The following LNX2 variants were observed in gnomAD, a reference collection of about 807,000 sequenced individuals.
LNX2 encodes the protein ligand of Numb protein X 2.
In LNX2, 35 loss-of-function variants were observed where a neutral mutation model predicts 66.2. The observed-to-expected ratio is 0.53, with a 90% CI of 0.40 to 0.70. The LOEUF (loss-of-function observed/expected upper bound fraction) is 0.70, where lower values mean the gene tolerates loss of function less well. Ranked by LOEUF, LNX2 falls within the 30% of genes least tolerant of loss-of-function variation. The probability of loss-of-function intolerance (pLI) is 0.00; values close to 1 mark genes in which losing one functional copy is unlikely to be tolerated. For synonymous variants in LNX2, 337 were observed against 315.6 expected, an observed-to-expected ratio of 1.07 and a Z score of -0.72; for missense variants, 791 against 850.8, an observed-to-expected ratio of 0.93 and a Z score of 0.87.
chr13:27,567,410 T>C (rs1319515176), intron 4 of LNX2, among the ~76,000 whole-genome samples: 1 of 152,128 alleles, frequency 6.6e-6, no homozygotes, highest in Non-Finnish European at 1.5e-5. Flanking sequence ...CCTGAGATCA[T>C]GTGCCAAGCC....
chr13:27,578,790 A>G (rs1220943097), intron 2 of LNX2, among the ~76,000 whole-genome samples: 1 of 152,174 alleles, frequency 6.6e-6, no homozygotes, highest in East Asian at 1.9e-4. Flanking sequence ...TCCAGTTACA[A>G]CTGTTGCAGT....
intron 4 of LNX2, among the ~76,000 whole-genome samples, chr13:27,565,828 C>A (rs1341989608): frequency 6.6e-6 from 1 of 152,128 alleles, no homozygotes; most frequent in African/African-American, 2.4e-5. Context: ...AGCATACAAG[C>A]GGGAGTGGAA....
intron 1 of LNX2, among the ~76,000 whole-genome samples, chr13:27,608,369 C>G (rs1416240110): frequency 6.6e-6 from 1 of 152,044 alleles, no homozygotes; most frequent in Non-Finnish European, 1.5e-5. Context: ...ACTTTTCTAT[C>G]CCAAATATCT....
At chr13:27,618,333 C>A (rs912158502) in intron 1 of LNX2, among the ~76,000 whole-genome samples, 1 of 152,122 alleles carries the variant, frequency 6.6e-6, no homozygotes, top group African/African-American at 2.4e-5. Context: ...AAGTTCTATC[C>A]CCCAAACTCT....
At chr13:27,559,381 A>G (rs1048310190) in intron 6 of LNX2, among the ~76,000 whole-genome samples, 4 of 152,278 alleles carry the variant, frequency 2.6e-5, no homozygotes, top group African/African-American at 9.6e-5. Flanking sequence ...ATCAAAATTC[A>G]TGATTCATAT....
At position 27,569,126 on chromosome 13, in the gene LNX2, C is replaced by G. The variant is rs201003964; in HGVS notation, c.558G>C (p.Val186=). 1 of 1,613,062 alleles carries G rather than the reference C, an allele frequency of 6.2e-7. No homozygotes were observed. The highest frequency in any genetic ancestry group is 8.5e-7 in the Non-Finnish European group (1 of 1,179,620). ...CTGATGTCAAGTGCCGCTCCACAGG[C>G]ACTGCGCCTGTCCCCAAACAGTCTG... ...PEADCLGTGA[V]PVERHLTSAS... is the part of the protein sequence containing the mutation. Residue 186 remains valine, a synonymous_variant, in exon 3 of 10, where the codon GTG becomes GTC. Coordinates refer to ENST00000316334, the MANE Select transcript of LNX2 (RefSeq NM_153371.4).
At position 27,581,809 on chromosome 13, in the gene LNX2, T is replaced by A; in HGVS notation, c.-100-6A>T. 1.2e-6 allele frequency: 1 copy of A among 854,764 alleles called. No homozygotes were observed. Among genetic ancestry groups the A allele is most frequent in the Non-Finnish European group, 1.8e-6 (1 of 563,336 alleles). 52.9% of individuals were successfully genotyped at this position (854,764 alleles called of 1,614,324 possible). A position where few individuals can be genotyped will look rare whatever the true frequency, so the allele number is the denominator to read the frequency against. ...TAAAGTCAAGGTGTGTTTTTCTAGATAAGCAAAACAAACACATTAAAAAAG... is the reference window on the plus strand; with the variant it reads ...TAAAGTCAAGGTGTGTTTTTCTAGAAAAGCAAAACAAACACATTAAAAAAG... On this transcript the variant is annotated splice_polypyrimidine_tract_variant and splice_region_variant and intron_variant, in intron 1 of 9. Coordinates refer to ENST00000316334, the MANE Select transcript of LNX2 (RefSeq NM_153371.4).
chr13:27,550,348 T>C lies in LNX2; in HGVS notation c.1922A>G (p.Tyr641Cys). ...KTIVLGTPAYYDGRLKCGDMI... is the reference protein window; with the variant it reads ...KTIVLGTPAYCDGRLKCGDMI... ...CAAGACTCACTTTAATCTTCCATCA[T>C]AATAAGCAGGAGTTCCCAAGACAAT... The change falls in exon 9 of 10, where the codon TAT becomes TGT. Residue 641 changes from tyrosine to cysteine, a missense_variant. Physicochemically the swap from Tyr to Cys is radical, Grantham distance 194. Coordinates refer to ENST00000316334, the MANE Select transcript of LNX2 (RefSeq NM_153371.4). 1 of 1,613,010 alleles carries C rather than the reference T, an allele frequency of 6.2e-7. No individual in the cohort carries two copies. The highest frequency in any genetic ancestry group is 8.5e-7 in the Non-Finnish European group (1 of 1,179,570).
intron 1 of LNX2, among the ~76,000 whole-genome samples, chr13:27,611,955 A>G (rs1955778289): frequency 6.6e-6 from 1 of 152,236 alleles, no homozygotes; most frequent in Non-Finnish European, 1.5e-5. Context: ...GCAGGGAGAA[A>G]GAGATTAAAC....
intron 1 of LNX2, among the ~76,000 whole-genome samples, chr13:27,591,130 G>C (rs1955542632): frequency 6.6e-6 from 1 of 152,190 alleles, no homozygotes; most frequent in Non-Finnish European, 1.5e-5. Context: ...CAGGGGCAGG[G>C]ACCAGAGCCT....
At chr13:27,614,206 G>C (rs988510706) in intron 1 of LNX2, among the ~76,000 whole-genome samples, 7 of 152,226 alleles carry the variant, frequency 4.6e-5, no homozygotes, top group African/African-American at 1.7e-4. Flanking sequence ...AGGCAACAGA[G>C]GAACCTGAAT....
chr13:27,550,309 A>AT (rs1954991460), intron 9 of LNX2, 24 bp downstream of exon 9: 1 of 1,601,820 alleles, frequency 6.2e-7, no homozygotes, highest in Non-Finnish European at 8.5e-7. Flanking sequence ...CATGAATCAC[A>AT]TCATTAATTA....
chr13:27,587,275 A>G (rs1955497530), intron 1 of LNX2, among the ~76,000 whole-genome samples: 2 of 149,886 alleles, frequency 1.3e-5, no homozygotes, highest in Non-Finnish European at 3.0e-5. Flanking sequence ...GCCTCCTCCT[A>G]CTCTTGAGCG....
At chr13:27,605,492 C>A (rs670493) in intron 1 of LNX2, among the ~76,000 whole-genome samples, 96,543 of 151,970 alleles carry the variant, frequency 0.64, 31,407 homozygotes, top group Non-Finnish European at 0.69. Context: ...AGTCCTTTTC[C>A]GCAAGAAGAA....
chr13:27,617,705 CTT>C (rs1204733499), intron 1 of LNX2, among the ~76,000 whole-genome samples: 3 of 152,188 alleles, frequency 2.0e-5, no homozygotes, highest in African/African-American at 7.2e-5. Context: ...TCTGTGAACT[CTT>C]TTTCTTTTCT....
At chr13:27,590,508 C>T (rs899265818) in intron 1 of LNX2, among the ~76,000 whole-genome samples, 2 of 151,986 alleles carry the variant, frequency 1.3e-5, no homozygotes, top group African/African-American at 4.8e-5. Flanking sequence ...GGGTTACAGG[C>T]GTCAGCCACC....
chr13:27,600,115 C>A (rs1474752557), intron 1 of LNX2, among the ~76,000 whole-genome samples: 1 of 152,124 alleles, frequency 6.6e-6, no homozygotes, highest in Non-Finnish European at 1.5e-5. Flanking sequence ...GCATGCCAGG[C>A]ACTGCACCAG....
At chr13:27,606,098 T>G (rs1391722332) in intron 1 of LNX2, among the ~76,000 whole-genome samples, 2 of 152,206 alleles carry the variant, frequency 1.3e-5, no homozygotes, top group African/African-American at 4.8e-5. Context: ...TGATGAACAC[T>G]GTAAAATGCA....
At chr13:27,593,563 C>CTTTTTTT (rs35280780) in intron 1 of LNX2, among the ~76,000 whole-genome samples, 1 of 115,548 alleles carries the variant, frequency 8.7e-6, no homozygotes, top group Non-Finnish European at 1.8e-5. Context: ...CTGGCTGAAA[C>CTTTTTTT]TTTTTTTTTT....
Sources: gnomAD v4.1 joint callset for allele counts (sites outside exome capture counted in the v4.1 genomes callset) on GRCh38, gnomAD v4.1.1 for gene constraint, MANE v1.5 for transcripts, NCBI Gene and HGNC (gene_info 2026-07-23, HGNC 2026-07-21) for gene names.